PPP6R3: variants seen among roughly 807,000 people sequenced by gnomAD.
PPP6R3 encodes serine/threonine-protein phosphatase 6 regulatory subunit 3.
A neutral mutation model predicts 110.7 loss-of-function variants in PPP6R3; 38 were observed. That is an observed-to-expected ratio of 0.34 (90% CI 0.26 to 0.45). The LOEUF (loss-of-function observed/expected upper bound fraction) is 0.45, where lower values mean the gene tolerates loss of function less well. PPP6R3 is among the 20% of genes least tolerant of loss of function. The pLI is 1.00. For synonymous variants in PPP6R3, 369 were observed against 373.5 expected (o/e 0.99, Z 0.14); for missense variants, 870 against 1,062.4 (o/e 0.82, Z 2.52).
At chr11:68,580,322 A>G (rs557880827) in intron 14 of PPP6R3, among the ~76,000 whole-genome samples, 6 of 152,316 alleles carry the variant, frequency 3.9e-5, no homozygotes, top group Admixed American at 6.5e-5. Context: ...TTTTGAACTA[A>G]AAAGTGCCAT....
chr11:68,472,663 C>T (rs932326221), intron 1 of PPP6R3, among the ~76,000 whole-genome samples: 1 of 151,424 alleles, frequency 6.6e-6, no homozygotes, highest in Non-Finnish European at 1.5e-5. Context: ...AATTCACAGA[C>T]TATTCAATTG....
At chr11:68,600,275 T>TA (rs2099627742) in intron 19 of PPP6R3, 66 bp from the exon 20 acceptor site, 4 of 1,525,198 alleles carry the variant, frequency 2.6e-6, no homozygotes. Context: ...GTGTTTTTGA[T>TA]AAATACCTTG....
At chr11:68,532,887 T>C (rs1204407289) in intron 2 of PPP6R3, among the ~76,000 whole-genome samples, 7 of 152,232 alleles carry the variant, frequency 4.6e-5, no homozygotes, top group African/African-American at 1.7e-4. Flanking sequence ...CTAGACTGTA[T>C]AGGTTTGTGT....
intron 13 of PPP6R3, among the ~76,000 whole-genome samples, chr11:68,574,801 G>A (rs1278479250): frequency 6.6e-6 from 1 of 152,204 alleles, no homozygotes; most frequent in Non-Finnish European, 1.5e-5. Context: ...CAAGCCATGA[G>A]CCTTCTTCTA....
chr11:68,469,050 C>T (rs1163243760), intron 1 of PPP6R3, among the ~76,000 whole-genome samples: 14 of 152,152 alleles, frequency 9.2e-5, no homozygotes, highest in Non-Finnish European at 7.4e-5. Flanking sequence ...GCATTATAAC[C>T]AGACAGCTCT....
chr11:68,600,744 G>A (rs1413470349), intron 20 of PPP6R3, among the ~76,000 whole-genome samples: 3 of 152,180 alleles, frequency 2.0e-5, no homozygotes, highest in Non-Finnish European at 2.9e-5. Context: ...GTGAGGATGC[G>A]GTCCCAGGGA....
chr11:68,479,386 G>A (rs184992870), intron 1 of PPP6R3, among the ~76,000 whole-genome samples: 34 of 152,134 alleles, frequency 2.2e-4, no homozygotes, highest in Admixed American at 1.1e-3. Context: ...TTTTACTTGT[G>A]GTATTAAAAA....
chr11:68,574,028 TA>T (rs2099520775), intron 12 of PPP6R3, 80 bp from the exon 13 acceptor site: 1 of 1,000,570 alleles, frequency 1.0e-6, no homozygotes, highest in South Asian at 1.3e-5. Context: ...AATGATTGTT[TA>T]AAAGTCCGCA....
chr11:68,609,699 C>T (rs1942349222), intron 22 of PPP6R3: 2 of 1,575,982 alleles, frequency 1.3e-6, no homozygotes, highest in Non-Finnish European at 8.7e-7. Flanking sequence ...TTTTGGTTCC[C>T]ACCTGTGTGC....
Position 68,562,419 on chromosome 11 carries a change from T to G in PPP6R3, c.846-1884T>G, listed in dbSNP as rs532492196. On this transcript the variant is annotated intron_variant, in intron 8 of 23. Transcript: ENST00000393800. ...ATTCCGAACAAAATCTAAGCAGGAT[T>G]TTTTAGAAATCAAGTGAATTCTAAA... Among the ~76,000 whole-genome samples, 6 of 152,348 alleles carry G rather than the reference T, an allele frequency of 3.9e-5. No individual in the cohort carries two copies. In the South Asian group the frequency reaches 1.0e-3, roughly 26 times the overall value.
chr11:68,483,281 T>TA (rs2098927140), intron 1 of PPP6R3, among the ~76,000 whole-genome samples: 2 of 152,254 alleles, frequency 1.3e-5, no homozygotes, highest in South Asian at 4.1e-4. Flanking sequence ...GCAAATCTTT[T>TA]AAAATTGTGG....
At chr11:68,531,463 G>A (rs534203020) in intron 2 of PPP6R3, among the ~76,000 whole-genome samples, 25 of 151,962 alleles carry the variant, frequency 1.6e-4, no homozygotes, top group African/African-American at 6.0e-4. Context: ...TCAGCCTCCC[G>A]AGTAGCTGGG....
At chr11:68,566,131 G>A (rs2099466062) in intron 9 of PPP6R3, among the ~76,000 whole-genome samples, 1 of 152,158 alleles carries the variant, frequency 6.6e-6, no homozygotes, top group Non-Finnish European at 1.5e-5. Context: ...TCAGGTTTGT[G>A]ATCCAGAGGC....
chr11:68,514,265 C>A (rs971950626), intron 1 of PPP6R3, among the ~76,000 whole-genome samples: 1 of 152,082 alleles, frequency 6.6e-6, no homozygotes, highest in South Asian at 2.1e-4. Flanking sequence ...GGGGTGGGAT[C>A]TCACTGTGTT....
At chr11:68,543,958 G>C (rs1247282947) in intron 3 of PPP6R3, among the ~76,000 whole-genome samples, 3 of 152,168 alleles carry the variant, frequency 2.0e-5, no homozygotes, top group Non-Finnish European at 4.4e-5. Context: ...GAGCCTGTGT[G>C]GGTCCATATA....
Position 68,474,742 on chromosome 11 carries a change from T to C in PPP6R3, c.-158+13915T>C, listed in dbSNP as rs1006443485. Among the ~76,000 whole-genome samples the C allele has an allele frequency of 7.2e-5, 11 of 152,186 alleles. No homozygotes were observed. In the South Asian group the frequency reaches 8.3e-4, roughly 11 times the overall value. The stretch of plus-strand genomic sequence containing the variant: ...ACTTATTTGGATGTTTTAATATTTA[T>C]AGGATTATTAAAATCTTTGTTTTTT... On this transcript the variant is annotated intron_variant, in intron 1 of 23. Transcript: ENST00000393800.
chr11:68,614,768 CTG>C lies in PPP6R3; in HGVS notation c.*1653_*1654del. On this transcript the variant is annotated 3_prime_UTR_variant, in exon 24 of 24. Transcript: ENST00000393800. ...CCGGGTGAGCCCCTCTCTGAAGAGA[CTG>C]TCCTTGGGCCTCCTCTGGAAGCAGC... is the stretch of plus-strand genomic sequence containing the variant. The C allele has an allele frequency of 6.5e-7, 1 of 1,541,018 alleles. No individual in the cohort carries two copies. The highest frequency in any genetic ancestry group is 8.8e-7 in the Non-Finnish European group (1 of 1,139,380).
At chr11:68,485,502 A>G (rs1452657040) in intron 1 of PPP6R3, among the ~76,000 whole-genome samples, 1 of 152,104 alleles carries the variant, frequency 6.6e-6, no homozygotes, top group Non-Finnish European at 1.5e-5. Context: ...ATCAATTATG[A>G]TGATAGTTGT....
intron 1 of PPP6R3, among the ~76,000 whole-genome samples, chr11:68,497,082 T>C (rs577695019): frequency 4.6e-4 from 69 of 151,380 alleles, no homozygotes; most frequent in Admixed American, 1.6e-3. Flanking sequence ...AGTCTCGCTC[T>C]TTCACCCAGG....
Sources: gnomAD v4.1 joint callset for allele counts (sites outside exome capture counted in the v4.1 genomes callset) on GRCh38, gnomAD v4.1.1 for gene constraint, MANE v1.5 for transcripts, NCBI Gene and HGNC (gene_info 2026-07-23, HGNC 2026-07-21) for gene names.